SCAPER: variants seen among roughly 807,000 people sequenced by gnomAD.
SCAPER encodes the protein S-phase cyclin A associated protein in the ER.
A neutral mutation model predicts 182.2 loss-of-function variants in SCAPER; 98 were observed. The ratio of observed to expected loss-of-function variants is 0.54; its 90% confidence interval spans 0.46 to 0.64. SCAPER has a LOEUF of 0.64. Among genes scored for constraint, SCAPER ranks in the 30% least tolerant of loss-of-function variants. The pLI is 0.00. For missense variants in SCAPER, 1,432 were observed against 1,690.0 expected (o/e 0.85, Z 2.68); for synonymous variants, 605 against 564.6 (o/e 1.07, Z -1.01).
chr15:76,808,937 A>AT (rs1473229875), intron 5 of SCAPER, among the ~76,000 whole-genome samples: 1 of 152,370 alleles, frequency 6.6e-6, no homozygotes, highest in African/African-American at 2.4e-5. Flanking sequence ...TCCCTGAGAA[A>AT]TAAGAAACTG....
chr15:76,482,533 T>C (rs2051232238), intron 24 of SCAPER, among the ~76,000 whole-genome samples: 1 of 152,126 alleles, frequency 6.6e-6, no homozygotes, highest in South Asian at 2.1e-4. Flanking sequence ...AAATACAAGA[T>C]ACATAGATTG....
At chr15:76,740,476 T>C (rs1444914186) in intron 15 of SCAPER, among the ~76,000 whole-genome samples, 1 of 152,150 alleles carries the variant, frequency 6.6e-6, no homozygotes, top group East Asian at 1.9e-4. Context: ...TTTTCAAGCT[T>C]CCATGCAGTA....
intron 15 of SCAPER, among the ~76,000 whole-genome samples, chr15:76,751,227 G>A (rs2062066863): frequency 6.6e-6 from 1 of 151,510 alleles, no homozygotes. Flanking sequence ...AAAAATTAAA[G>A]ACAACACAAA....
chr15:76,542,785 A>G (rs2044887199), intron 23 of SCAPER, among the ~76,000 whole-genome samples: 1 of 152,074 alleles, frequency 6.6e-6, no homozygotes, highest in Admixed American at 6.5e-5. Context: ...CTTGAAACAT[A>G]AACTTATAGA....
chr15:76,355,850 C>T (rs567756923), intron 29 of SCAPER, among the ~76,000 whole-genome samples: 1 of 152,198 alleles, frequency 6.6e-6, no homozygotes, highest in African/African-American at 2.4e-5. Context: ...GTTTACAGAG[C>T]GAGTTTACAG....
chr15:76,756,478 T>C (rs1449480464), intron 14 of SCAPER, among the ~76,000 whole-genome samples: 3 of 152,104 alleles, frequency 2.0e-5, no homozygotes, highest in Non-Finnish European at 4.4e-5. Flanking sequence ...CTCAGCAGGT[T>C]GAGGCAGGAG....
chr15:76,904,403 G>A (rs936245984), intron 1 of SCAPER, among the ~76,000 whole-genome samples: 1 of 152,218 alleles, frequency 6.6e-6, no homozygotes, highest in African/African-American at 2.4e-5. Flanking sequence ...TCGGTAAAAT[G>A]ACTATTAATG....
intron 23 of SCAPER, among the ~76,000 whole-genome samples, chr15:76,563,497 T>A (rs887944027): frequency 6.6e-6 from 1 of 152,062 alleles, no homozygotes; most frequent in African/African-American, 2.4e-5. Flanking sequence ...AACAGATCCA[T>A]AATGAGCTCT....
At chr15:76,809,644 T>C (rs1034870370) in intron 5 of SCAPER, among the ~76,000 whole-genome samples, 1 of 152,084 alleles carries the variant, frequency 6.6e-6, no homozygotes, top group South Asian at 2.1e-4. Context: ...ATATGCATTA[T>C]TGGAGTTAGA....
chr15:76,550,722 G>C (rs946413148), intron 23 of SCAPER, among the ~76,000 whole-genome samples: 2 of 152,204 alleles, frequency 1.3e-5, no homozygotes, highest in African/African-American at 4.8e-5. Flanking sequence ...TAATGGGACT[G>C]CTGGGTCAAA....
At chr15:76,671,986 G>C (rs542124513) in intron 20 of SCAPER, among the ~76,000 whole-genome samples, 114 of 152,294 alleles carry the variant, frequency 7.5e-4, no homozygotes, top group Non-Finnish European at 1.1e-3. Flanking sequence ...TAGGAGGTGA[G>C]TAAATGGTCC....
At chr15:76,728,359 C>T (rs2060715440) in intron 17 of SCAPER, among the ~76,000 whole-genome samples, 1 of 151,984 alleles carries the variant, frequency 6.6e-6, no homozygotes, top group Admixed American at 6.6e-5. Context: ...TTGCTGAAGC[C>T]ATCCAGAATC....
rs149666588 is a variant in SCAPER, at chr15:76,887,684, C to A, written c.-59-3808G>T. On this transcript the variant is annotated intron_variant, in intron 1 of 31. Coordinates refer to ENST00000563290, the MANE Select transcript of SCAPER (RefSeq NM_020843.4). ...TAGGCAGAGCCCCCCAACAGCTCAG[C>A]AAGGCCTACTTGCCTCTATAGACTC... Among the ~76,000 whole-genome samples, 728 of 152,364 alleles carry A rather than the reference C, an allele frequency of 4.8e-3. 28 individuals carry two copies. Among genetic ancestry groups the A allele is most frequent in the Admixed American group, 0.039 (591 of 15,306 alleles).
chr15:76,350,566 A>G (rs993261871), intron 31 of SCAPER: 1 of 152,242 alleles, frequency 6.6e-6, no homozygotes, highest in African/African-American at 2.4e-5. Context: ...AGATGCTGTC[A>G]TAACACCCAA....
intron 23 of SCAPER, among the ~76,000 whole-genome samples, chr15:76,564,999 T>C (rs992069087): frequency 1.3e-5 from 2 of 152,100 alleles, no homozygotes; most frequent in African/African-American, 4.8e-5. Context: ...CCATTCCTTA[T>C]ACCATGTACA....
At chr15:76,608,652 G>A (rs1446065193) in intron 22 of SCAPER, among the ~76,000 whole-genome samples, 1 of 152,236 alleles carries the variant, frequency 6.6e-6, no homozygotes, top group African/African-American at 2.4e-5. Context: ...TCCTTGAGCT[G>A]TGGTGGGCTC....
chr15:76,416,318 A>G (rs2045643756), intron 26 of SCAPER, among the ~76,000 whole-genome samples: 1 of 284 alleles, frequency 3.5e-3, no homozygotes, highest in African/African-American at 3.8e-3. Flanking sequence ...CTACTAAAAG[A>G]AAAAAAAAAA....
At chr15:76,421,463 G>C (rs902320207) in intron 26 of SCAPER, among the ~76,000 whole-genome samples, 5 of 152,096 alleles carry the variant, frequency 3.3e-5, no homozygotes, top group African/African-American at 1.2e-4. Context: ...CTTTTTGATG[G>C]GGTTGTTTGT....
chr15:76,876,645 G>A (rs965024123), intron 2 of SCAPER, among the ~76,000 whole-genome samples: 1 of 151,836 alleles, frequency 6.6e-6, no homozygotes, highest in African/African-American at 2.4e-5. Flanking sequence ...CAACATAAAG[G>A]AGAAAAGCCT....
Sources: allele counts gnomAD v4.1 joint callset (sites outside exome capture counted in the v4.1 genomes callset), GRCh38; gene constraint gnomAD v4.1.1; transcripts MANE v1.5; gene names NCBI Gene and HGNC (gene_info 2026-07-23, HGNC 2026-07-21).